The following UBE4B variants were observed in gnomAD, a reference collection of about 807,000 sequenced individuals.
The protein encoded by UBE4B is ubiquitin conjugation factor E4 B.
In UBE4B, 27 loss-of-function variants were observed where a neutral mutation model predicts 148.1. That is an observed-to-expected ratio of 0.18 (90% confidence interval 0.13 to 0.25). The LOEUF is 0.25. UBE4B is among the 10% of genes least tolerant of loss of function. The pLI, the probability that UBE4B is intolerant of heterozygous loss-of-function variation, is 1.00. For synonymous variants in UBE4B, 596 were observed against 619.3 expected, an observed-to-expected ratio of 0.96 and a Z score of 0.56; for missense variants, 1,170 against 1,662.4, an observed-to-expected ratio of 0.70 and a Z score of 5.15.
rs1364161975 is a variant in UBE4B, at chr1:10,065,359, G to A, written c.25-6669G>A. 4.6e-5 allele frequency among the ~76,000 whole-genome samples: 7 copies of A among 152,268 alleles called. No individual in the cohort carries two copies. The East Asian group carries it at 1.4e-3, about 29-fold the overall frequency. ...AGTGGCGGGAGGAGCATGCGGGGGA[G>A]GAAGGCACAGCTCCACAATAAGCAA... On this transcript the variant is annotated intron_variant, in intron 1 of 27. Transcript: ENST00000343090.
Position 10,120,125 on chromosome 1 carries a change from T to C in UBE4B, c.1439+512T>C, listed in dbSNP as rs560494007. ...TTGTTTTTATTTTGTTTTTAAAAAT[T>C]TTTTTTCTTTGCCTCTCAGTCTTCT... On this transcript the variant is annotated intron_variant, in intron 9 of 27. Transcript: ENST00000343090. Among the ~76,000 whole-genome samples the C allele has an allele frequency of 3.3e-4, 51 of 152,298 alleles. 2 individuals are homozygous for C. In the Middle Eastern group the frequency reaches 0.014, roughly 41 times the overall value.
intron 19 of UBE4B, among the ~76,000 whole-genome samples, chr1:10,148,907 T>TCCAGCCTGGGTGACAGA (rs1645925746): frequency 6.6e-6 from 1 of 152,098 alleles, no homozygotes; most frequent in South Asian, 2.1e-4. Context: ...ACCACTGCAC[T>TCCAGCCTGGGTGACAGA]CCAGCCTGGG....
At chr1:10,088,934 C>A (rs1418178269) in intron 2 of UBE4B, among the ~76,000 whole-genome samples, 1 of 152,208 alleles carries the variant, frequency 6.6e-6, no homozygotes, top group Non-Finnish European at 1.5e-5. Context: ...CCACCTCAAC[C>A]TCTCAATGTG....
intron 25 of UBE4B, among the ~76,000 whole-genome samples, chr1:10,173,437 G>A (rs1646367426): frequency 6.7e-6 from 1 of 150,002 alleles, no homozygotes; most frequent in African/African-American, 2.5e-5. Context: ...AGCGGAGATC[G>A]AGCCACTGCA....
At chr1:10,081,142 A>C (rs756112057) in intron 2 of UBE4B, among the ~76,000 whole-genome samples, 8 of 152,060 alleles carry the variant, frequency 5.3e-5, no homozygotes, top group Non-Finnish European at 1.2e-4. Context: ...GGCTCACCGC[A>C]ACCTCTACCT....
chr1:10,109,460 T>TA (rs1331052895), intron 7 of UBE4B, among the ~76,000 whole-genome samples: 1 of 152,196 alleles, frequency 6.6e-6, no homozygotes, highest in Non-Finnish European at 1.5e-5. Flanking sequence ...CCCAGTCAGT[T>TA]GATATGTCCC....
chr1:10,168,861 CA>C lies in UBE4B; in HGVS notation c.3333+592del, dbSNP rs1233435815. On this transcript the variant is annotated intron_variant, in intron 24 of 27. Transcript: ENST00000343090. The surrounding 1 kb of genome is among the most constrained non-coding windows in gnomAD (Gnocchi z 4.9). ...GAGCCGAGATGGTGCCACTGCACTCCAGCCTGGGCGACAGAGTGAGACTCCA... is the reference window on the plus strand; with the variant it reads ...GAGCCGAGATGGTGCCACTGCACTCCGCCTGGGCGACAGAGTGAGACTCCA... Among the ~76,000 whole-genome samples the C allele has an allele frequency of 4.1e-5, 6 of 146,214 alleles. No homozygotes were observed. Among genetic ancestry groups the C allele is most frequent in the Non-Finnish European group, 7.4e-5 (5 of 67,206 alleles).
At chr1:10,089,020 T>G (rs890435625) in intron 2 of UBE4B, among the ~76,000 whole-genome samples, 2 of 152,096 alleles carry the variant, frequency 1.3e-5, no homozygotes, top group Non-Finnish European at 2.9e-5. Flanking sequence ...ATGTTTTCTT[T>G]TTTTGAGATA....
intron 3 of UBE4B, among the ~76,000 whole-genome samples, chr1:10,100,656 G>C (rs867590665): frequency 6.6e-6 from 1 of 152,242 alleles, no homozygotes; most frequent in African/African-American, 2.4e-5. Flanking sequence ...CTGAGTTCAA[G>C]TGATTCTGCT....
intron 25 of UBE4B, among the ~76,000 whole-genome samples, chr1:10,177,640 A>G (rs1036962036): frequency 6.6e-6 from 1 of 152,066 alleles, no homozygotes; most frequent in Admixed American, 6.5e-5. Context: ...TGAGTGACAG[A>G]ATGAGACTCT....
At position 10,171,130 on chromosome 1, in the gene UBE4B, T is replaced by A. The variant is rs1397815970; in HGVS notation, c.3334-8T>A. On this transcript the variant is annotated splice_region_variant and splice_polypyrimidine_tract_variant and intron_variant, in intron 24 of 27. Coordinates refer to ENST00000343090, the MANE Select transcript of UBE4B (RefSeq NM_001105562.3). ...CATGAATTGTCCTATTATCCTGTGATTTCCTAGGAGCTTGGACCCCGATTG... is the reference window on the plus strand; with the variant it reads ...CATGAATTGTCCTATTATCCTGTGAATTCCTAGGAGCTTGGACCCCGATTG... The A allele has an allele frequency of 1.9e-6, 3 of 1,612,312 alleles. No individual in the cohort carries two copies. The highest frequency in any genetic ancestry group is 2.5e-6 in the Non-Finnish European group (3 of 1,179,002).
intron 7 of UBE4B, among the ~76,000 whole-genome samples, chr1:10,116,925 T>G (rs1218060204): frequency 6.6e-6 from 1 of 152,208 alleles, no homozygotes; most frequent in Non-Finnish European, 1.5e-5. Flanking sequence ...TTTAGAGTTT[T>G]TATGTCGATA....
chr1:10,112,909 A>G (rs1645245406), intron 7 of UBE4B, among the ~76,000 whole-genome samples: 1 of 152,186 alleles, frequency 6.6e-6, no homozygotes, highest in African/African-American at 2.4e-5. Flanking sequence ...ATTGACAAAT[A>G]CTGAGGTTGA....
chr1:10,120,746 G>A (rs897254921), intron 9 of UBE4B, among the ~76,000 whole-genome samples: 2 of 152,022 alleles, frequency 1.3e-5, no homozygotes, highest in African/African-American at 2.4e-5. Flanking sequence ...GCTGAGGCAC[G>A]AGAATTGCTT....
intron 20 of UBE4B, 45 bp from the exon 21 acceptor site, chr1:10,151,270 GAGTTTCTCAGC>G (rs1204248489): frequency 9.7e-6 from 15 of 1,541,948 alleles, no homozygotes; most frequent in East Asian, 2.2e-5. Flanking sequence ...CACCCAAGAT[GAGTTTCTCAGC>G]AGTTTCTCAG....
At chr1:10,155,590 A>G (rs1469906353) in intron 21 of UBE4B, among the ~76,000 whole-genome samples, 1 of 152,218 alleles carries the variant, frequency 6.6e-6, no homozygotes, top group Non-Finnish European at 1.5e-5. Flanking sequence ...CATCACCTCC[A>G]TGTGAAGACC....
intron 2 of UBE4B, among the ~76,000 whole-genome samples, chr1:10,090,959 T>G (rs1246439595): frequency 6.6e-6 from 1 of 152,232 alleles, no homozygotes; most frequent in African/African-American, 2.4e-5. Context: ...GAAATTTTTA[T>G]GTCCTTTGAT....
chr1:10,101,275 T>A, intron 4 of UBE4B, 80 bp downstream of exon 4: 1 of 1,409,956 alleles, frequency 7.1e-7, no homozygotes, highest in South Asian at 1.2e-5. Context: ...GTCTGTTAGA[T>A]TGGGGCCACC....
intron 23 of UBE4B, chr1:10,166,095 T>C (rs1646241705): frequency 6.6e-6 from 1 of 152,160 alleles, no homozygotes; most frequent in Admixed American, 6.6e-5. Context: ...AGAATCTCCA[T>C]CAAGCACAGA....
Sources: allele counts gnomAD v4.1 joint callset (sites outside exome capture counted in the v4.1 genomes callset), GRCh38; gene constraint gnomAD v4.1.1; non-coding constraint Gnocchi (gnomAD v3.1); transcripts MANE v1.5; gene names NCBI Gene and HGNC (gene_info 2026-07-23, HGNC 2026-07-21).